Variants in NID1 observed in about 807,000 individuals in gnomAD.
NID1 encodes nidogen 1.
Under a neutral mutation model 130.6 loss-of-function variants are expected in NID1, and 76 were observed. The observed-to-expected ratio is 0.58, with a 90% CI of 0.48 to 0.70. NID1 has a LOEUF of 0.70. Ranked by LOEUF, NID1 falls within the 30% of genes least tolerant of loss-of-function variation. The probability of loss-of-function intolerance (pLI) is 0.00; values close to 1 mark genes in which losing one functional copy is unlikely to be tolerated. For synonymous variants in NID1, 665 were observed against 675.1 expected (o/e 0.98, Z 0.23); for missense variants, 1,517 against 1,664.8 (o/e 0.91, Z 1.54).
chr1:235,976,658 CA>C lies in NID1; in HGVS notation c.*1208del, dbSNP rs1159734661. The C allele has an allele frequency of 6.6e-6, 1 of 152,080 alleles. No homozygotes were observed. The highest frequency in any genetic ancestry group is 1.5e-5 in the Non-Finnish European group (1 of 68,008). The allele number at this position is 152,080 out of a possible 1,614,324, so 9.4% of individuals were successfully genotyped here. On this transcript the variant is annotated 3_prime_UTR_variant, in exon 20 of 20. Transcript: ENST00000264187. ...ATATGGTCAGGAGATGTTTTCTAAA[CA>C]AATTGTAGAAATATAAACATGAAAT...
rs750410998 is a variant in NID1, at chr1:236,025,263, C to CTTT, written c.1984+630_1984+632dup. Among the ~76,000 whole-genome samples, 41 of 123,758 alleles carry CTTT rather than the reference C, an allele frequency of 3.3e-4. 2 individuals carry two copies. The highest frequency in any genetic ancestry group is 2.6e-3 in the East Asian group (9 of 3,460). The allele number at this position is 123,758 out of a possible 152,430, so 81.2% of individuals were successfully genotyped here. On this transcript the variant is annotated intron_variant, in intron 8 of 19. Coordinates refer to ENST00000264187, the MANE Select transcript of NID1 (RefSeq NM_002508.3). ...CACCATGCTCGGCCCTACAATTTCT[C>CTTT]TTTTTTTTTTTTTTTTGAGACAGAG...
At position 236,024,175 on chromosome 1, in the gene NID1, C is replaced by G; in HGVS notation, c.2023G>C (p.Gly675Arg). 1 of 1,614,246 alleles carries G rather than the reference C, an allele frequency of 6.2e-7. No individual in the cohort carries two copies. The highest frequency in any genetic ancestry group is 1.7e-5 in the Admixed American group (1 of 60,030). The change falls in exon 9 of 20, where the codon GGC becomes CGC. Residue 675 changes from glycine to arginine, a missense_variant. By Grantham distance (125) the Gly-to-Arg change is moderately radical. Around this residue, in one of 3 missense-constraint regions of NID1, gnomAD observed 1,329 missense variants for 1,429.2 expected, o/e 0.93. Transcript: ENST00000264187. ...PDALQNPCYIGTHGCDTNAAC... is the reference protein window; with the variant it reads ...PDALQNPCYIRTHGCDTNAAC... ...GCGTTGGTGTCACACCCATGAGTGC[C>G]GATGTAGCAGGGATTCTGAAGAGCA... is the stretch of plus-strand genomic sequence containing the variant.
At position 236,006,491 on chromosome 1, in the gene NID1, T is replaced by C. The variant is rs994110042; in HGVS notation, c.2527+5430A>G. On this transcript the variant is annotated intron_variant, in intron 12 of 19. Transcript: ENST00000264187. ...AGTGTGTAGTGCTGTACAATGAGTG[T>C]GCAATCAGCAAGATCCAGACTGTGG... is the stretch of plus-strand genomic sequence containing the variant. 2.0e-5 allele frequency among the ~76,000 whole-genome samples: 3 copies of C among 152,102 alleles called. No homozygotes were observed. In the East Asian group the frequency reaches 5.8e-4, roughly 29 times the overall value.
chr1:235,981,417 AT>A (rs1657433190), intron 16 of NID1, among the ~76,000 whole-genome samples, 193 bp downstream of exon 16: 1 of 152,386 alleles, frequency 6.6e-6, no homozygotes, highest in African/African-American at 2.4e-5. Context: ...GGGACATGGT[AT>A]CAAGTCCACA....
intron 9 of NID1, among the ~76,000 whole-genome samples, chr1:236,020,054 AAAAAC>A (rs1235656756): frequency 7.4e-6 from 1 of 135,942 alleles, no homozygotes; most frequent in Admixed American, 8.0e-5. Context: ...AAAAAAAAAA[AAAAAC>A]AAAAACAAAC....
chr1:235,987,465 T>C lies in NID1; in HGVS notation c.2929-1960A>G, dbSNP rs962112717. On this transcript the variant is annotated intron_variant, in intron 14 of 19. Coordinates refer to ENST00000264187, the MANE Select transcript of NID1 (RefSeq NM_002508.3). ...GGACCTCTCTGTATACCTTTCCAAC[T>C]TCCTGTGGCTCTGATTACTTCAAAA... is the stretch of plus-strand genomic sequence containing the variant. 2.6e-5 allele frequency among the ~76,000 whole-genome samples: 4 copies of C among 152,208 alleles called. No individual in the cohort carries two copies. In the South Asian group the frequency reaches 6.2e-4, roughly 24 times the overall value.
intron 14 of NID1, among the ~76,000 whole-genome samples, chr1:235,986,650 C>A (rs916848601): frequency 6.6e-6 from 1 of 152,148 alleles, no homozygotes; most frequent in African/African-American, 2.4e-5. Flanking sequence ...TTTGTAGAGA[C>A]AGCGTCTCAC....
intron 10 of NID1, among the ~76,000 whole-genome samples, chr1:236,014,276 A>G (rs1244331726): frequency 6.8e-6 from 1 of 147,588 alleles, no homozygotes; most frequent in Non-Finnish European, 1.5e-5. Flanking sequence ...AACTGAAATC[A>G]ATCTTAAGAA....
At chr1:235,982,765 A>G (rs2102792941) in intron 15 of NID1, among the ~76,000 whole-genome samples, 1 of 152,320 alleles carries the variant, frequency 6.6e-6, no homozygotes, top group Non-Finnish European at 1.5e-5. Context: ...TCTACTGATT[A>G]AAGGAATGAA....
chr1:236,048,088 C>T (rs952206437), intron 2 of NID1, among the ~76,000 whole-genome samples: 8 of 139,032 alleles, frequency 5.8e-5, no homozygotes, highest in Non-Finnish European at 9.1e-5. Flanking sequence ...AATCCCAGCA[C>T]TTTGGGAGGC....
At chr1:236,016,868 A>G (rs1658608758) in intron 10 of NID1, among the ~76,000 whole-genome samples, 1 of 152,208 alleles carries the variant, frequency 6.6e-6, no homozygotes, top group African/African-American at 2.4e-5. Context: ...CATAATGAAA[A>G]TGATTAAAAG....
rs1418117217 is a variant in NID1 at position 235,980,603 on chromosome 1, G to A, written c.3278C>T (p.Ser1093Phe). 1.2e-6 allele frequency: 2 copies of A among 1,614,222 alleles called. No homozygotes were observed. Among genetic ancestry groups the A allele is most frequent in the Admixed American group, 3.3e-5 (2 of 60,024 alleles). Residue 1093 changes from serine to phenylalanine, a missense_variant, in exon 17 of 20, where the codon TCC becomes TTC. Ser to Phe is a radical substitution (Grantham distance 155). Around this residue, in one of 3 missense-constraint regions of NID1, gnomAD observed 181 missense variants for 211.3 expected, o/e 0.86. Coordinates refer to ENST00000264187, the MANE Select transcript of NID1 (RefSeq NM_002508.3). ...CCTCCGGTTCGTGCCGTCCATGTAG[G>A]AAGTTTCAATCTTGGGGTTATCTCT... ...WNRDNPKIET[S>F]YMDGTNRRIL... is the part of the protein sequence containing the mutation.
Position 236,064,942 on chromosome 1 carries a change from C to T in NID1, c.138G>A (p.Leu46=). ...PFGPGQGDLE[L]EDGDDFVSPA... ...GAGAGACGAAGTCATCCCCGTCCTC[C>T]AGCTCCAGGTCCCCCTGTCCGGGGC... The change falls in exon 1 of 20, where the codon CTG becomes CTA. Residue 46 remains leucine (L), a synonymous_variant. Coordinates refer to ENST00000264187, the MANE Select transcript of NID1 (RefSeq NM_002508.3). 1.9e-6 allele frequency: 3 copies of T among 1,608,786 alleles called. No homozygotes were observed. The South Asian group carries it at 3.3e-5, about 18-fold the overall frequency.
chr1:236,025,273 T>A (rs10927287), intron 8 of NID1, among the ~76,000 whole-genome samples: 39,867 of 147,508 alleles, frequency 0.27, 5,894 homozygotes, highest in Non-Finnish European at 0.32. Flanking sequence ...CTTTTTTTTT[T>A]TTTTTTGAGA....
chr1:236,023,087 A>G (rs190706793), intron 9 of NID1, among the ~76,000 whole-genome samples: 1 of 152,072 alleles, frequency 6.6e-6, no homozygotes, highest in East Asian at 1.9e-4. Context: ...AGATAGAATT[A>G]CCATATGATT....
At chr1:236,028,167 C>G (rs1470194947) in intron 7 of NID1, among the ~76,000 whole-genome samples, 1 of 152,096 alleles carries the variant, frequency 6.6e-6, no homozygotes, top group Non-Finnish European at 1.5e-5. Flanking sequence ...GAATTAATAG[C>G]CATCCAGTAG....
Position 235,993,630 on chromosome 1 carries a change from C to T in NID1, c.2755+15G>A, listed in dbSNP as rs929129205. The T allele has an allele frequency of 5.3e-6, 8 of 1,523,702 alleles. No homozygotes were observed. The African/African-American group carries it at 9.6e-5, about 18-fold the overall frequency. The allele number at this position is 1,523,702 out of a possible 1,614,324, so 94.4% of individuals were successfully genotyped here. A position where few individuals can be genotyped will look rare whatever the true frequency, so the allele number is the denominator to read the frequency against. ...TTCTCAGGCACACGCCCAAGCACGG[C>T]CTGCACCCACTTACACGGGGGCGTC... On this transcript the variant is annotated intron_variant, in intron 13 of 19. Transcript: ENST00000264187.
chr1:236,030,428 C>G (rs1330523570), intron 6 of NID1, among the ~76,000 whole-genome samples: 2 of 152,098 alleles, frequency 1.3e-5, no homozygotes, highest in East Asian at 3.8e-4. Flanking sequence ...TTTTCTACAA[C>G]CCTTGAGCTC....
intron 12 of NID1, among the ~76,000 whole-genome samples, chr1:236,009,489 T>C (rs184963941): frequency 1.3e-5 from 2 of 152,350 alleles, no homozygotes; most frequent in Admixed American, 1.3e-4. Context: ...TCTCCCATTA[T>C]AGAGGTAACC....
Sources: gnomAD v4.1 joint callset for allele counts (sites outside exome capture counted in the v4.1 genomes callset) on GRCh38, gnomAD v4.1.1 for gene constraint, gnomAD v4.1.1 regional missense constraint, MANE v1.5 for transcripts, NCBI Gene and HGNC (gene_info 2026-07-23, HGNC 2026-07-21) for gene names.